INPP5A: variants seen among roughly 807,000 people sequenced by gnomAD.
INPP5A encodes the protein inositol polyphosphate-5-phosphatase A.
INPP5A carries 14 observed loss-of-function variants against 65.2 expected under a neutral mutation model. The observed-to-expected ratio is 0.21, with a 90% CI of 0.14 to 0.34. The LOEUF (loss-of-function observed/expected upper bound fraction) is 0.34. Ranked by LOEUF, INPP5A falls within the 10% of genes least tolerant of loss-of-function variation. The pLI is 1.00. For synonymous variants in INPP5A, 207 were observed against 208.3 expected, an observed-to-expected ratio of 0.99 and a Z score of 0.05; for missense variants, 431 against 545.6, an observed-to-expected ratio of 0.79 and a Z score of 2.09.
intron 1 of INPP5A, among the ~76,000 whole-genome samples, chr10:132,607,425 C>G (rs1461905810): frequency 6.6e-6 from 1 of 152,238 alleles, no homozygotes; most frequent in Non-Finnish European, 1.5e-5. Context: ...TTGCTCTTCA[C>G]CCCAAACACA....
rs1396040517 is a variant in INPP5A at position 132,546,421 on chromosome 10, C to T, written c.75+8250C>T. On this transcript the variant is annotated intron_variant, in intron 1 of 15. Transcript: ENST00000368594. This position sits in a 1 kb window ranked among gnomAD's most constrained non-coding sequence, Gnocchi z 5.7. ...AGCCTGTTACTTGAACCCTGAGCCC[C>T]TGGTGGGTCTCGGTGACCTTGAGCC... is the stretch of plus-strand genomic sequence containing the variant. Among the ~76,000 whole-genome samples, 2 of 152,072 alleles carry T rather than the reference C, an allele frequency of 1.3e-5. No individual in the cohort carries two copies. Among genetic ancestry groups the T allele is most frequent in the Non-Finnish European group, 2.9e-5 (2 of 68,014 alleles).
chr10:132,580,254 G>A (rs973587319), intron 1 of INPP5A, among the ~76,000 whole-genome samples: 12 of 152,182 alleles, frequency 7.9e-5, no homozygotes, highest in South Asian at 4.1e-4. Context: ...TTGGGGGAGG[G>A]ACCTGGTGGG....
chr10:132,596,146 G>A (rs2071684294), intron 1 of INPP5A, among the ~76,000 whole-genome samples: 1 of 152,088 alleles, frequency 6.6e-6, no homozygotes, highest in Non-Finnish European at 1.5e-5. Flanking sequence ...CTGTACCTCC[G>A]AGGACTTCTT....
At chr10:132,771,221 C>G (rs2134682904) in intron 12 of INPP5A, among the ~76,000 whole-genome samples, 1 of 152,306 alleles carries the variant, frequency 6.6e-6, no homozygotes, top group East Asian at 1.9e-4. Context: ...GCAGAGGACT[C>G]CCTGGAGGCC....
At chr10:132,654,263 C>T (rs760954872) in intron 4 of INPP5A, among the ~76,000 whole-genome samples, 8 of 152,366 alleles carry the variant, frequency 5.3e-5, no homozygotes, top group Admixed American at 6.5e-5. Context: ...TGCCTGGGCA[C>T]GGACCTGATC....
chr10:132,573,744 T>G (rs1372470293), intron 1 of INPP5A, among the ~76,000 whole-genome samples: 6 of 104,342 alleles, frequency 5.8e-5, no homozygotes, highest in Admixed American at 9.6e-5. Flanking sequence ...GCGTGCCGTG[T>G]GAGGTTTTGT....
intron 5 of INPP5A, among the ~76,000 whole-genome samples, chr10:132,695,187 C>T (rs1170939421): frequency 6.6e-6 from 1 of 152,004 alleles, no homozygotes; most frequent in Non-Finnish European, 1.5e-5. Context: ...GAGGCTGGTT[C>T]AGCATTTAAA....
At chr10:132,602,773 C>T (rs373775901) in intron 1 of INPP5A, among the ~76,000 whole-genome samples, 7 of 152,196 alleles carry the variant, frequency 4.6e-5, no homozygotes, top group African/African-American at 7.2e-5. Context: ...GTGATGAGCG[C>T]GGGCATCCTG....
chr10:132,621,612 G>T (rs1416159822), intron 2 of INPP5A, among the ~76,000 whole-genome samples: 2 of 152,108 alleles, frequency 1.3e-5, no homozygotes, highest in East Asian at 1.9e-4. Flanking sequence ...TACATGTGAG[G>T]GGGTAGAGGA....
intron 1 of INPP5A, among the ~76,000 whole-genome samples, chr10:132,583,290 C>T (rs1405344207): frequency 6.6e-6 from 1 of 152,208 alleles, no homozygotes; most frequent in Non-Finnish European, 1.5e-5. Context: ...TATGGCCCCT[C>T]TGAACCGTAG....
intron 2 of INPP5A, among the ~76,000 whole-genome samples, chr10:132,645,100 G>T (rs2072475899): frequency 6.6e-6 from 1 of 152,220 alleles, no homozygotes; most frequent in Non-Finnish European, 1.5e-5. Flanking sequence ...TTGTTGCACT[G>T]CTCTTTAGCT....
At chr10:132,733,286 G>A (rs1234392718) in intron 9 of INPP5A, among the ~76,000 whole-genome samples, 1 of 152,214 alleles carries the variant, frequency 6.6e-6, no homozygotes, top group Non-Finnish European at 1.5e-5. Flanking sequence ...GAATCTGGGG[G>A]CACACCGTAC....
In INPP5A at chr10:132,782,572, A is replaced by G. The variant is rs1847186007; in HGVS notation, c.*543A>G. Reference sequence around the variant, plus strand: ...CCGTGTCACATGGTTTTTGAATCACACTGCAGCTGCTTTCCATTTTTATAT... The same window carrying G: ...CCGTGTCACATGGTTTTTGAATCACGCTGCAGCTGCTTTCCATTTTTATAT... On this transcript the variant is annotated 3_prime_UTR_variant, in exon 16 of 16. Transcript: ENST00000368594. The surrounding 1 kb of genome is among the most constrained non-coding windows in gnomAD (Gnocchi z 4.4). The G allele has an allele frequency of 6.6e-6, 1 of 151,000 alleles. No homozygotes were observed. The allele number at this position is 151,000 out of a possible 1,614,324, so 9.4% of individuals were successfully genotyped here.
rs759483931 is a variant in INPP5A at position 132,627,433 on chromosome 10, C to T, written c.118-18435C>T. 9.9e-5 allele frequency among the ~76,000 whole-genome samples: 15 copies of T among 152,096 alleles called. No homozygotes were observed. Among genetic ancestry groups the T allele is most frequent in the East Asian group, 1.9e-4 (1 of 5,190 alleles). On this transcript the variant is annotated intron_variant, in intron 2 of 15. Transcript: ENST00000368594. This position sits in a 1 kb window ranked among gnomAD's most constrained non-coding sequence, Gnocchi z 6.6. ...TGGGTCTGGAGGGCGGTGGGGCTGG[C>T]GGTGCTGGGCGCGGCTCCCAAGATG...
chr10:132,567,062 C>T (rs1409818506), intron 1 of INPP5A, among the ~76,000 whole-genome samples: 10 of 152,240 alleles, frequency 6.6e-5, no homozygotes, highest in Admixed American at 2.6e-4. Flanking sequence ...CCCTCATGGA[C>T]GGTGGTGTCA....
At chr10:132,763,239 C>A (rs1036568280) in intron 11 of INPP5A, among the ~76,000 whole-genome samples, 7 of 152,224 alleles carry the variant, frequency 4.6e-5, no homozygotes, top group African/African-American at 1.2e-4. Flanking sequence ...CCTGGGCAGG[C>A]CTTAGGGAAA....
chr10:132,727,167 C>A lies in INPP5A; in HGVS notation c.732+262C>A. 3.0e-6 allele frequency: 1 copy of A among 335,052 alleles called. No individual in the cohort carries two copies. The highest frequency in any genetic ancestry group is 5.5e-6 in the Non-Finnish European group (1 of 182,656). The allele number at this position is 335,052 out of a possible 1,614,324, so 20.8% of individuals were successfully genotyped here. A position where few individuals can be genotyped will look rare whatever the true frequency, so the allele number is the denominator to read the frequency against. ...TGGGGCTTTGCCCTGTGGCTTCCGC[C>A]GTCGGCACACAAGGAGCTGCTGGAG... On this transcript the variant is annotated intron_variant, in intron 9 of 15. Transcript: ENST00000368594. The surrounding 1 kb of genome is among the most constrained non-coding windows in gnomAD (Gnocchi z 6.5).
intron 8 of INPP5A, among the ~76,000 whole-genome samples, chr10:132,713,207 G>T (rs1845679756): frequency 6.6e-6 from 1 of 151,582 alleles, no homozygotes. Flanking sequence ...TATGTGTGTA[G>T]GTATGGGTGT....
chr10:132,745,124 G>T (rs971279914), intron 9 of INPP5A, among the ~76,000 whole-genome samples: 1 of 152,214 alleles, frequency 6.6e-6, no homozygotes, highest in African/African-American at 2.4e-5. Flanking sequence ...GGGACACAGG[G>T]TGACGTGGTG....
Sources: allele counts gnomAD v4.1 joint callset (sites outside exome capture counted in the v4.1 genomes callset), GRCh38; gene constraint gnomAD v4.1.1; non-coding constraint Gnocchi (gnomAD v3.1); transcripts MANE v1.5; gene names NCBI Gene and HGNC (gene_info 2026-07-23, HGNC 2026-07-21).